Variants in ABCC5 observed in about 807,000 individuals in gnomAD.
The protein encoded by ABCC5 is ATP binding cassette subfamily C member 5.
A neutral mutation model predicts 160.9 loss-of-function variants in ABCC5; 61 were observed. The observed-to-expected ratio is 0.38, with a 90% CI of 0.31 to 0.47. ABCC5 has a LOEUF of 0.47. Ranked by LOEUF, ABCC5 falls within the 20% of genes least tolerant of loss-of-function variation. ABCC5 has a pLI of 0.99. For synonymous variants in ABCC5, 666 were observed against 700.6 expected, an observed-to-expected ratio of 0.95 and a Z score of 0.78; for missense variants, 1,308 against 1,813.3, an observed-to-expected ratio of 0.72 and a Z score of 5.06.
intron 2 of ABCC5, among the ~76,000 whole-genome samples, chr3:183,990,955 T>C (rs771554067): frequency 6.6e-6 from 1 of 152,158 alleles, no homozygotes; most frequent in African/African-American, 2.4e-5. Context: ...TTTTCTGTCT[T>C]AGCAGTGAAA....
chr3:183,951,776 A>G lies in ABCC5; in HGVS notation c.2814+81T>C. 1 of 1,560,168 alleles carries G rather than the reference A, an allele frequency of 6.4e-7. No individual in the cohort carries two copies. Reference sequence around the variant, plus strand: ...CCTGGTTAAGGGAGCTCCCCTACTCAGCATGAACTGAGAGACGCCACACCA... The same window carrying G: ...CCTGGTTAAGGGAGCTCCCCTACTCGGCATGAACTGAGAGACGCCACACCA... On this transcript the variant is annotated intron_variant, in intron 19 of 29. Coordinates refer to ENST00000334444, the MANE Select transcript of ABCC5 (RefSeq NM_005688.4). This position sits in a 1 kb window ranked among gnomAD's most constrained non-coding sequence, Gnocchi z 4.7.
chr3:183,945,793 G>A (rs1714784521), intron 24 of ABCC5, 57 bp downstream of exon 24: 18 of 1,452,326 alleles, frequency 1.2e-5, no homozygotes, highest in Non-Finnish European at 1.5e-5. Context: ...AGGCAGCAAA[G>A]GGTAAACCGA....
chr3:183,957,839 T>C lies in ABCC5; in HGVS notation c.2482+1894A>G, dbSNP rs12633449. On this transcript the variant is annotated intron_variant, in intron 17 of 29. Coordinates refer to ENST00000334444, the MANE Select transcript of ABCC5 (RefSeq NM_005688.4). ...CCGTGTGTATATCACATCTGTTACA[T>C]GCGGATCCGTGTGTATATCACATCT... Among the ~76,000 whole-genome samples the C allele has an allele frequency of 5.8e-3, 755 of 131,204 alleles. 9 individuals are homozygous for C. Among genetic ancestry groups the C allele is most frequent in the Non-Finnish European group, 7.5e-3 (442 of 58,648 alleles). 86.1% of individuals were successfully genotyped at this position (131,204 alleles called of 152,430 possible).
chr3:183,936,798 G>A (rs914603534), intron 26 of ABCC5, among the ~76,000 whole-genome samples: 5 of 152,152 alleles, frequency 3.3e-5, no homozygotes, highest in South Asian at 2.1e-4. Flanking sequence ...GTGAGCCACC[G>A]TGCCAGGCCA....
chr3:183,966,838 G>A (rs1252710252), intron 12 of ABCC5, among the ~76,000 whole-genome samples: 1 of 152,150 alleles, frequency 6.6e-6, no homozygotes, highest in East Asian at 1.9e-4. Flanking sequence ...AACAAGACAA[G>A]AAAGCATTCC....
chr3:183,959,847 T>TAAAAA lies in ABCC5; in HGVS notation c.2380-17_2380-13dup. ...TTTTTTGAATTGATCTAATAATATT[T>TAAAAA]AAAAAAAAAAGTCTCCAGTCATGTT... On this transcript the variant is annotated splice_polypyrimidine_tract_variant and intron_variant, in intron 16 of 29. Transcript: ENST00000334444. 1 of 1,462,540 alleles carries TAAAAA rather than the reference T, an allele frequency of 6.8e-7. No individual in the cohort carries two copies. Among genetic ancestry groups the TAAAAA allele is most frequent in the Non-Finnish European group, 9.3e-7 (1 of 1,076,606 alleles). The allele number at this position is 1,462,540 out of a possible 1,614,324, so 90.6% of individuals were successfully genotyped here. A position where few individuals can be genotyped will look rare whatever the true frequency, so the allele number is the denominator to read the frequency against.
intron 2 of ABCC5, among the ~76,000 whole-genome samples, chr3:183,995,493 T>C (rs1459219022): frequency 6.6e-6 from 1 of 152,206 alleles, no homozygotes; most frequent in Non-Finnish European, 1.5e-5. Flanking sequence ...AAAGGTTCAC[T>C]TTTTTGCCTA....
At position 183,982,537 on chromosome 3, in the gene ABCC5, T is replaced by C; in HGVS notation, c.913A>G (p.Ile305Val). ...SLLAGGPVVA[I>V]LGMIYNVIIL... ...ATTACATTATAAATCATGCCTAAGATGGCAACAACGGGTCCTCCAGCCAGC... is the reference window on the plus strand; with the variant it reads ...ATTACATTATAAATCATGCCTAAGACGGCAACAACGGGTCCTCCAGCCAGC... The change falls in exon 7 of 30, where the codon ATC (isoleucine) becomes GTC (valine). Residue 305 changes from isoleucine (I) to valine (V), a missense_variant. Ile to Val is a conservative substitution (Grantham distance 29). This residue lies in a region of ABCC5 where 1,142 missense variants were observed against 1,527.1 expected (regional missense o/e 0.75). Transcript: ENST00000334444. The surrounding 1 kb of genome is among the most constrained non-coding windows in gnomAD (Gnocchi z 5.2). 5.6e-6 allele frequency: 9 copies of C among 1,614,164 alleles called. No individual in the cohort carries two copies. Among genetic ancestry groups the C allele is most frequent in the Non-Finnish European group, 6.8e-6 (8 of 1,180,042 alleles).
chr3:183,925,734 G>C lies in ABCC5; in HGVS notation c.4048-15C>G. On this transcript the variant is annotated splice_polypyrimidine_tract_variant and intron_variant, in intron 28 of 29. Coordinates refer to ENST00000334444, the MANE Select transcript of ABCC5 (RefSeq NM_005688.4). The stretch of plus-strand genomic sequence containing the variant: ...AAAATCAGAATCTGCCAGAGAAGCA[G>C]AGGAGAAAGAAACTCGATTAAATTC... The C allele has an allele frequency of 1.9e-6, 3 of 1,607,104 alleles. No individual in the cohort carries two copies. The highest frequency in any genetic ancestry group is 2.5e-6 in the Non-Finnish European group (3 of 1,177,960).
chr3:183,977,062 C>T (rs185233682), intron 10 of ABCC5, among the ~76,000 whole-genome samples: 28 of 152,336 alleles, frequency 1.8e-4, no homozygotes, highest in Admixed American at 9.8e-4. Context: ...ACTGCTTTCC[C>T]TGCATCGTGA....
chr3:183,978,443 C>T lies in ABCC5; in HGVS notation c.1296+60G>A. Reference sequence around the variant, plus strand: ...ACCTGGGTTCAAGTGATTTTCCTGCCTCAGCCTCCAGCAAATGTGGTATTT... The same window carrying T: ...ACCTGGGTTCAAGTGATTTTCCTGCTTCAGCCTCCAGCAAATGTGGTATTT... On this transcript the variant is annotated intron_variant, in intron 9 of 29. Coordinates refer to ENST00000334444, the MANE Select transcript of ABCC5 (RefSeq NM_005688.4). 5 of 1,575,704 alleles carry T rather than the reference C, an allele frequency of 3.2e-6. No homozygotes were observed. In the Admixed American group the frequency reaches 8.8e-5, roughly 28 times the overall value.
At chr3:183,931,816 T>C (rs1713209036) in intron 26 of ABCC5, among the ~76,000 whole-genome samples, 2 of 152,206 alleles carry the variant, frequency 1.3e-5, no homozygotes, top group Admixed American at 1.3e-4. Context: ...CTCCCCTCAT[T>C]AGAGAAGCCA....
rs1718795412 is a variant in ABCC5, at chr3:183,982,065, ATC to A, written c.1000-193_1000-192del. ...TGTAATAAAACATTACTGAATTCTT[ATC>A]TCTTTATAAGGCAATGAAGACAAGA... On this transcript the variant is annotated intron_variant, in intron 7 of 29. Coordinates refer to ENST00000334444, the MANE Select transcript of ABCC5 (RefSeq NM_005688.4). The surrounding 1 kb of genome is among the most constrained non-coding windows in gnomAD (Gnocchi z 5.2). Among the ~76,000 whole-genome samples, 1 of 152,180 alleles carries A rather than the reference ATC, an allele frequency of 6.6e-6. No homozygotes were observed. Among genetic ancestry groups the A allele is most frequent in the African/African-American group, 2.4e-5 (1 of 41,438 alleles).
At chr3:183,933,744 A>C (rs1228142204) in intron 26 of ABCC5, among the ~76,000 whole-genome samples, 1 of 152,228 alleles carries the variant, frequency 6.6e-6, no homozygotes, top group African/African-American at 2.4e-5. Flanking sequence ...ATTTGTACAC[A>C]GAACAACTCA....
chr3:183,981,734 A>C lies in ABCC5; in HGVS notation c.1140T>G (p.Ser380Arg), dbSNP rs763650248. The C allele has an allele frequency of 6.2e-7, 1 of 1,610,560 alleles. No homozygotes were observed. Among genetic ancestry groups the C allele is most frequent in the South Asian group, 1.1e-5 (1 of 89,780 alleles). The change falls in exon 8 of 30, where the codon AGT becomes AGG. Residue 380 changes from serine (S) to arginine (R), a missense_variant. Transcript: ENST00000334444. ...MYAWVKAFSQ[S>R]VQKIREEERR... ...CAAAATCTTTAAACTCACTTTGAAC[A>C]CTCTGAGAAAATGCTTTGACCCAGG...
At chr3:184,012,966 C>G (rs1190140582) in intron 2 of ABCC5, among the ~76,000 whole-genome samples, 1 of 152,186 alleles carries the variant, frequency 6.6e-6, no homozygotes, top group African/African-American at 2.4e-5. Context: ...CATTATCTTT[C>G]TCAAATTTTC....
At chr3:184,010,007 T>A (rs1371346386) in intron 2 of ABCC5, 1 of 434,160 alleles carries the variant, frequency 2.3e-6, no homozygotes, top group Admixed American at 2.5e-5. Context: ...AAAAATTTAA[T>A]AAAAAATAAA....
chr3:183,977,383 C>T, intron 10 of ABCC5, 134 bp downstream of exon 10: 2 of 573,374 alleles, frequency 3.5e-6, no homozygotes, highest in Non-Finnish European at 6.2e-6. Flanking sequence ...CCCCCTTTTT[C>T]TTACCAACTT....
chr3:183,964,528 TTG>T (rs1169243694), intron 14 of ABCC5, among the ~76,000 whole-genome samples: 13 of 152,234 alleles, frequency 8.5e-5, no homozygotes, highest in African/African-American at 3.1e-4. Context: ...GCCTAAGAAT[TTG>T]TGTTTCTAAC....
Sources: gnomAD v4.1 joint callset for allele counts (sites outside exome capture counted in the v4.1 genomes callset) on GRCh38, gnomAD v4.1.1 for gene constraint, gnomAD v4.1.1 regional missense constraint, Gnocchi (gnomAD v3.1) non-coding constraint, MANE v1.5 for transcripts, NCBI Gene and HGNC (gene_info 2026-07-23, HGNC 2026-07-21) for gene names.